Variants in IL1RN observed in about 807,000 individuals in gnomAD.
IL1RN encodes interleukin 1 receptor antagonist.
Under a neutral mutation model 13.7 loss-of-function variants are expected in IL1RN, and 10 were observed. That is an observed-to-expected ratio of 0.73 (90% CI 0.45 to 1.24). The LOEUF (loss-of-function observed/expected upper bound fraction) is 1.24. Among genes scored for constraint, IL1RN ranks in the 50% most tolerant of loss-of-function variants. The pLI is 0.00. For missense variants in IL1RN, 213 were observed against 222.1 expected (o/e 0.96, Z 0.26); for synonymous variants, 102 against 82.7 (o/e 1.23, Z -1.27).
chr2:113,108,429 T>G (rs1309351808), upstream of IL1RN, among the ~76,000 whole-genome samples: 1 of 148,060 alleles, frequency 6.8e-6, no homozygotes, highest in East Asian at 2.0e-4. Context: ...CCCACAACAG[T>G]CCCCAGTGTG....
At chr2:113,105,651 G>A (rs1451829187), upstream of IL1RN, among the ~76,000 whole-genome samples, 1 of 152,190 alleles carries the variant, frequency 6.6e-6, no homozygotes, top group Non-Finnish European at 1.5e-5. Flanking sequence ...AGTTGGGTGA[G>A]ATGACATTAA....
chr2:113,117,975 T>A (rs376548383), exon 1 of IL1RN: 4 of 1,179,928 alleles, frequency 3.4e-6, no homozygotes, highest in Non-Finnish European at 5.1e-6. Context: ...TGAGTTAGAG[T>A]CTGGAAGACC....
intron 1 of IL1RN, 72 bp from the exon 2 acceptor site, chr2:113,129,504 A>G (rs1012088781): frequency 1.1e-6 from 1 of 928,068 alleles, no homozygotes; most frequent in Non-Finnish European, 1.8e-6. Flanking sequence ...TCTGGGGGAC[A>G]CAGGAAGGTG....
chr2:113,122,278 G>T (rs1427111922), intron 2 of IL1RN, among the ~76,000 whole-genome samples: 1 of 152,198 alleles, frequency 6.6e-6, no homozygotes, highest in East Asian at 1.9e-4. Flanking sequence ...TTATCAGTAA[G>T]GATTGTTTTC....
At chr2:113,129,103 A>G (rs746260261) in intron 1 of IL1RN, among the ~76,000 whole-genome samples, 8 of 152,206 alleles carry the variant, frequency 5.3e-5, no homozygotes, top group Non-Finnish European at 1.0e-4. Context: ...TCAGGTGGCT[A>G]TTTAAATTTA....
At chr2:113,132,027 C>A (rs3087267) in intron 3 of IL1RN, among the ~76,000 whole-genome samples, 1 of 152,240 alleles carries the variant, frequency 6.6e-6, no homozygotes, top group South Asian at 2.1e-4. Context: ...ACCAGCTCCA[C>A]AGGCCTTGGC....
chr2:113,125,025 T>C (rs1686908197), upstream of IL1RN, among the ~76,000 whole-genome samples: 1 of 152,196 alleles, frequency 6.6e-6, no homozygotes, highest in African/African-American at 2.4e-5. Context: ...AAACGCTGTC[T>C]GAAGGCAGTG....
intron 1 of IL1RN, chr2:113,118,150 T>TGGAGC: frequency 2.0e-6 from 3 of 1,494,324 alleles, no homozygotes; most frequent in Admixed American, 3.4e-5. Flanking sequence ...GTCAAGCGCA[T>TGGAGC]GGAGCTCCAG....
upstream of IL1RN, among the ~76,000 whole-genome samples, chr2:113,109,761 TG>T (rs1686462429): frequency 7.9e-6 from 1 of 126,004 alleles, no homozygotes; most frequent in African/African-American, 2.8e-5. Context: ...CTATTATGAC[TG>T]CAAAAAAAAA....
At chr2:113,102,953 C>A (rs1036169113), upstream of IL1RN, among the ~76,000 whole-genome samples, 9 of 152,202 alleles carry the variant, frequency 5.9e-5, no homozygotes, top group African/African-American at 2.2e-4. Context: ...GGCTCAGAGG[C>A]CTGACAAGGC....
chr2:113,115,949 C>A (rs542856789), upstream of IL1RN, among the ~76,000 whole-genome samples: 1 of 152,286 alleles, frequency 6.6e-6, no homozygotes, highest in African/African-American at 2.4e-5. Context: ...CAGCTAGGCC[C>A]CTAGCTCCCC....
upstream of IL1RN, among the ~76,000 whole-genome samples, chr2:113,113,435 T>A (rs1403682910): frequency 6.6e-6 from 1 of 151,810 alleles, no homozygotes; most frequent in Non-Finnish European, 1.5e-5. Context: ...AATGAAGAGG[T>A]GATAGTTAAA....
rs1687007038 is a variant in IL1RN, at chr2:113,127,617, G to A, written c.-8G>A. On this transcript the variant is annotated 5_prime_UTR_variant, in exon 1 of 4. Coordinates refer to ENST00000409930, the MANE Select transcript of IL1RN (RefSeq NM_173842.3). ...AATGGCAGTCCACTGCCTTGCTGCAGTCACAGAATGGAAATCTGCAGAGGC... is the reference window on the plus strand; with the variant it reads ...AATGGCAGTCCACTGCCTTGCTGCAATCACAGAATGGAAATCTGCAGAGGC... 1.2e-6 allele frequency: 2 copies of A among 1,613,704 alleles called. No individual in the cohort carries two copies. The highest frequency in any genetic ancestry group is 1.3e-5 in the African/African-American group (1 of 74,930).
At chr2:113,127,139 G>A (rs963551462), upstream of IL1RN, among the ~76,000 whole-genome samples, 9 of 152,206 alleles carry the variant, frequency 5.9e-5, no homozygotes, top group Admixed American at 6.5e-5. Flanking sequence ...TTTACAGAAT[G>A]TTTGCCAATC....
upstream of IL1RN, among the ~76,000 whole-genome samples, chr2:113,114,671 G>A (rs535924533): frequency 1.3e-5 from 2 of 152,102 alleles, no homozygotes; most frequent in Non-Finnish European, 2.9e-5. Flanking sequence ...CTGTGTTTGT[G>A]TGTGTGTGTG....
At chr2:113,103,952 C>T (rs934029695), upstream of IL1RN, among the ~76,000 whole-genome samples, 1 of 150,398 alleles carries the variant, frequency 6.6e-6, no homozygotes, top group Non-Finnish European at 1.5e-5. Context: ...GTTTTTAGTT[C>T]TTTCACCAAG....
At chr2:113,114,847 A>G (rs1457067318), upstream of IL1RN, among the ~76,000 whole-genome samples, 1 of 152,186 alleles carries the variant, frequency 6.6e-6, no homozygotes, top group East Asian at 1.9e-4. Flanking sequence ...ACATAAATGC[A>G]GAGTCTGAGC....
upstream of IL1RN, among the ~76,000 whole-genome samples, chr2:113,114,173 T>C (rs1437775222): frequency 6.6e-6 from 1 of 152,146 alleles, no homozygotes; most frequent in African/African-American, 2.4e-5. Flanking sequence ...GCAGTAGTAA[T>C]TGTTTCTCTA....
At chr2:113,131,722 A>T (rs994116858) in intron 3 of IL1RN, among the ~76,000 whole-genome samples, 1 of 152,014 alleles carries the variant, frequency 6.6e-6, no homozygotes, top group Admixed American at 6.5e-5. Flanking sequence ...TTTCTCTTCC[A>T]ATCCTTATTG....
Sources: gnomAD v4.1 joint callset for allele counts (sites outside exome capture counted in the v4.1 genomes callset) on GRCh38, gnomAD v4.1.1 for gene constraint, MANE v1.5 for transcripts, NCBI Gene and HGNC (gene_info 2026-07-23, HGNC 2026-07-21) for gene names.